THSD7A: variants seen among roughly 807,000 people sequenced by gnomAD.
The protein encoded by THSD7A is thrombospondin type-1 domain-containing protein 7A.
In THSD7A, 96 loss-of-function variants were observed where a neutral mutation model predicts 231.3. That is an observed-to-expected ratio of 0.41 (90% CI 0.35 to 0.49). THSD7A has a LOEUF of 0.49. Among genes scored for constraint, THSD7A ranks in the 20% least tolerant of loss-of-function variants. The pLI, the probability that THSD7A is intolerant of heterozygous loss-of-function variation, is 0.05. For synonymous variants in THSD7A, 940 were observed against 743.3 expected, an observed-to-expected ratio of 1.26 and a Z score of -4.30; for missense variants, 2,290 against 2,070.2, an observed-to-expected ratio of 1.11 and a Z score of -2.06.
intron 1 of THSD7A, among the ~76,000 whole-genome samples, chr7:11,646,619 G>T (rs17165002): frequency 0.019 from 2,894 of 152,040 alleles, 76 homozygotes; most frequent in African/African-American, 0.065. Context: ...CATTACAATT[G>T]TCCAAAAGTG....
chr7:11,479,738 T>C lies in THSD7A; in HGVS notation c.2017+2050A>G, dbSNP rs10257754. On this transcript the variant is annotated intron_variant, in intron 7 of 27. Transcript: ENST00000423059. ...ATTTCTCATAAAACATGTTTCAGTG[T>C]CCACTAATAGGTACTAAATAGGCTT... 8.1e-3 allele frequency among the ~76,000 whole-genome samples: 1,239 copies of C among 152,272 alleles called. 23 individuals carry two copies. The highest frequency in any genetic ancestry group is 0.028 in the African/African-American group (1,174 of 41,548).
intron 6 of THSD7A, among the ~76,000 whole-genome samples, chr7:11,500,201 C>A (rs527365398): frequency 6.6e-6 from 1 of 152,238 alleles, no homozygotes; most frequent in East Asian, 1.9e-4. Flanking sequence ...AAATCTTCAA[C>A]TAACACTTTC....
intron 6 of THSD7A, among the ~76,000 whole-genome samples, chr7:11,529,711 T>C (rs1788624335): frequency 6.6e-6 from 1 of 152,206 alleles, no homozygotes; most frequent in African/African-American, 2.4e-5. Flanking sequence ...TAGAACTATG[T>C]GAGCCAATTA....
intron 1 of THSD7A, chr7:11,821,350 C>G (rs1784867344): frequency 1.5e-6 from 1 of 662,854 alleles, no homozygotes; most frequent in South Asian, 1.5e-5. Context: ...GCTAAGAGGA[C>G]TAATTTGATG....
intron 6 of THSD7A, among the ~76,000 whole-genome samples, chr7:11,524,751 T>A (rs1021867390): frequency 6.6e-6 from 1 of 152,160 alleles, no homozygotes; most frequent in Non-Finnish European, 1.5e-5. Flanking sequence ...AAAGAATTTC[T>A]GCCATTCTCT....
Position 11,535,941 on chromosome 7 carries a change from T to A in THSD7A, c.1822+5478A>T, listed in dbSNP as rs528474498. On this transcript the variant is annotated intron_variant, in intron 6 of 27. Transcript: ENST00000423059. ...CTCTCCCTTGTACATTACAATGTCC[T>A]TGTTTATCATTAATAAATGATAAAA... 6.6e-5 allele frequency among the ~76,000 whole-genome samples: 10 copies of A among 152,310 alleles called. No individual in the cohort carries two copies. The East Asian group carries it at 1.5e-3, about 24-fold the overall frequency.
intron 1 of THSD7A, among the ~76,000 whole-genome samples, chr7:11,686,252 G>C (rs1297434451): frequency 6.6e-6 from 1 of 151,606 alleles, no homozygotes; most frequent in Non-Finnish European, 1.5e-5. Context: ...TCACTATTTG[G>C]GTGATAAGAT....
chr7:11,700,298 A>G (rs1780546563), intron 1 of THSD7A, among the ~76,000 whole-genome samples: 1 of 151,244 alleles, frequency 6.6e-6, no homozygotes, highest in Non-Finnish European at 1.5e-5. Flanking sequence ...CTCTACAATA[A>G]TAGTACAATA....
chr7:11,607,559 C>T (rs1362583040), intron 2 of THSD7A, among the ~76,000 whole-genome samples: 1 of 151,828 alleles, frequency 6.6e-6, no homozygotes, highest in Non-Finnish European at 1.5e-5. Context: ...AAGACTTTTC[C>T]ACCTTTAACT....
rs112968239 is a variant in THSD7A at position 11,415,185 on chromosome 7, A to T, written c.3537+2265T>A. Among the ~76,000 whole-genome samples the T allele has an allele frequency of 4.9e-3, 753 of 152,338 alleles. 6 individuals carry two copies. The highest frequency in any genetic ancestry group is 0.013 in the African/African-American group (538 of 41,574). ...ATGACAAATGTAAAGGAAAGTTTTT[A>T]AAAAAATCTCAGGATCTCATACTCC... On this transcript the variant is annotated intron_variant, in intron 17 of 27. Coordinates refer to ENST00000423059, the MANE Select transcript of THSD7A (RefSeq NM_015204.3).
chr7:11,418,582 A>G (rs1438107560), intron 16 of THSD7A, among the ~76,000 whole-genome samples: 4 of 152,212 alleles, frequency 2.6e-5, no homozygotes, highest in Non-Finnish European at 5.9e-5. Context: ...GTCATGTTTT[A>G]AAATATCACT....
chr7:11,681,433 A>G (rs1359500720), intron 1 of THSD7A, among the ~76,000 whole-genome samples: 1 of 152,086 alleles, frequency 6.6e-6, no homozygotes, highest in African/African-American at 2.4e-5. Context: ...ACGGAAGTGA[A>G]AAATTTACTG....
At chr7:11,702,446 A>G (rs1780634470) in intron 1 of THSD7A, among the ~76,000 whole-genome samples, 1 of 151,256 alleles carries the variant, frequency 6.6e-6, no homozygotes. Context: ...ATGTCAAGCC[A>G]GGAATAACAC....
chr7:11,591,858 G>A (rs1052946888), intron 3 of THSD7A, among the ~76,000 whole-genome samples: 1 of 152,122 alleles, frequency 6.6e-6, no homozygotes, highest in Non-Finnish European at 1.5e-5. Context: ...ATAAATTGAA[G>A]TTCTGATTTA....
At chr7:11,563,650 C>T (rs1790172213) in intron 4 of THSD7A, among the ~76,000 whole-genome samples, 1 of 152,276 alleles carries the variant, frequency 6.6e-6, no homozygotes, top group South Asian at 2.1e-4. Context: ...GCATGAGCCA[C>T]GATGCCCAGC....
chr7:11,416,794 G>C (rs1445172346), intron 17 of THSD7A, among the ~76,000 whole-genome samples: 1 of 152,152 alleles, frequency 6.6e-6, no homozygotes, highest in Admixed American at 6.6e-5. Context: ...TGTTTCAAAT[G>C]ACTCTCTTCC....
At chr7:11,551,857 G>T (rs1015753672) in intron 4 of THSD7A, among the ~76,000 whole-genome samples, 1 of 151,990 alleles carries the variant, frequency 6.6e-6, no homozygotes, top group African/African-American at 2.4e-5. Flanking sequence ...ATACCCAAAG[G>T]AAAATACATC....
intron 1 of THSD7A, among the ~76,000 whole-genome samples, chr7:11,640,117 G>A (rs575495070): frequency 6.6e-6 from 1 of 152,100 alleles, no homozygotes; most frequent in African/African-American, 2.4e-5. Flanking sequence ...CACACTTTCG[G>A]TTAGTAGAAT....
intron 1 of THSD7A, among the ~76,000 whole-genome samples, chr7:11,648,199 G>A (rs538635091): frequency 8.6e-5 from 13 of 152,018 alleles, no homozygotes; most frequent in Non-Finnish European, 1.5e-4. Flanking sequence ...GCTCTGTCCC[G>A]TGGGAGGATT....
Sources: gnomAD v4.1 joint callset for allele counts (sites outside exome capture counted in the v4.1 genomes callset) on GRCh38, gnomAD v4.1.1 for gene constraint, MANE v1.5 for transcripts, NCBI Gene and HGNC (gene_info 2026-07-23, HGNC 2026-07-21) for gene names.